Variants in FAR2 observed in about 807,000 individuals in gnomAD.
FAR2 encodes epididymis secretory protein Li 81.
Under a neutral mutation model 56.0 loss-of-function variants are expected in FAR2, and 19 were observed. That is an observed-to-expected ratio of 0.34 (90% CI 0.24 to 0.50). FAR2 has a LOEUF of 0.50. Among genes scored for constraint, FAR2 ranks in the 20% least tolerant of loss-of-function variants. FAR2 has a pLI of 0.98. For missense variants in FAR2, 508 were observed against 642.2 expected (o/e 0.79, Z 2.26); for synonymous variants, 219 against 218.8 (o/e 1.00, Z -0.01).
intron 3 of FAR2, among the ~76,000 whole-genome samples, chr12:29,294,019 AAC>A (rs1466837488): frequency 6.6e-6 from 1 of 152,188 alleles, no homozygotes; most frequent in African/African-American, 2.4e-5. Context: ...CCAGGTTATG[AAC>A]AGTTTGCATT....
intron 8 of FAR2, among the ~76,000 whole-genome samples, chr12:29,313,589 T>C (rs535755213): frequency 6.6e-6 from 1 of 152,128 alleles, no homozygotes; most frequent in South Asian, 2.1e-4. Flanking sequence ...CTGTATTGCT[T>C]CAATAGTTAA....
rs1591832569 is a variant in FAR2, at chr12:29,176,383, T to A, written c.-39+26976T>A. On this transcript the variant is annotated intron_variant, in intron 1 of 11. Coordinates refer to ENST00000536681, the MANE Select transcript of FAR2 (RefSeq NM_001271783.2). ...TCTGGTCATCAGAATTCCAGCTGAG[T>A]TTGAATGAGAACAGTGAAAGCAGGC... is the stretch of plus-strand genomic sequence containing the variant. Among the ~76,000 whole-genome samples, 4 of 152,324 alleles carry A rather than the reference T, an allele frequency of 2.6e-5. No individual in the cohort carries two copies. The South Asian group carries it at 8.3e-4, about 32-fold the overall frequency.
At chr12:29,274,678 C>T (rs1004077410) in intron 2 of FAR2, among the ~76,000 whole-genome samples, 2 of 151,990 alleles carry the variant, frequency 1.3e-5, no homozygotes. Context: ...TGGCCTGTTC[C>T]TGCCTTAACT....
At chr12:29,149,625 C>A (rs1246936451) in intron 1 of FAR2, among the ~76,000 whole-genome samples, 4 of 152,232 alleles carry the variant, frequency 2.6e-5, no homozygotes, top group Non-Finnish European at 5.9e-5. Context: ...GCACCCCAAT[C>A]GTCACCGGCC....
intron 10 of FAR2, chr12:29,332,051 GATCACTCCTTTTTTCTTTCACTACCA>G (rs1949738815): frequency 6.4e-6 from 1 of 155,930 alleles, no homozygotes; most frequent in African/African-American, 2.4e-5. Flanking sequence ...CCCATGTTGT[GATCACTCCTTTTTTCTTTCACTACCA>G]ATCACTCTCT....
chr12:29,264,360 G>T (rs889256475), intron 1 of FAR2, among the ~76,000 whole-genome samples: 1 of 152,100 alleles, frequency 6.6e-6, no homozygotes, highest in Admixed American at 6.6e-5. Context: ...CCCACAGCTA[G>T]TATCATACTG....
chr12:29,181,980 T>C (rs2136598084), intron 1 of FAR2, among the ~76,000 whole-genome samples: 1 of 152,282 alleles, frequency 6.6e-6, no homozygotes, highest in East Asian at 1.9e-4. Context: ...AGATAGTTCA[T>C]TGAACAATAC....
chr12:29,171,067 G>A (rs2136586971), intron 1 of FAR2, among the ~76,000 whole-genome samples: 1 of 152,376 alleles, frequency 6.6e-6, no homozygotes, highest in Non-Finnish European at 1.5e-5. Context: ...TGAGGAGGTG[G>A]AAGAAATACC....
chr12:29,185,790 G>A (rs1470914420), intron 1 of FAR2, among the ~76,000 whole-genome samples: 1 of 152,124 alleles, frequency 6.6e-6, no homozygotes, highest in East Asian at 1.9e-4. Flanking sequence ...GCATGAGTGG[G>A]TGGGACCTAG....
intron 8 of FAR2, among the ~76,000 whole-genome samples, chr12:29,313,705 C>G (rs569090184): frequency 6.6e-6 from 1 of 152,172 alleles, no homozygotes; most frequent in South Asian, 2.1e-4. Context: ...AAATTTTTCA[C>G]ATTACATCAA....
intron 4 of FAR2, 37 bp from the exon 5 acceptor site, chr12:29,307,621 C>T (rs1949272922): frequency 1.3e-6 from 2 of 1,553,754 alleles, no homozygotes; most frequent in South Asian, 1.2e-5. Context: ...TATTGTCTAA[C>T]ATATGTTACT....
At chr12:29,177,140 G>T (rs1342235986) in intron 1 of FAR2, among the ~76,000 whole-genome samples, 1 of 152,192 alleles carries the variant, frequency 6.6e-6, no homozygotes, top group African/African-American at 2.4e-5. Context: ...GGAAGTTTAT[G>T]AATGATGCAA....
At chr12:29,213,460 C>G (rs892497019) in intron 1 of FAR2, among the ~76,000 whole-genome samples, 1 of 152,032 alleles carries the variant, frequency 6.6e-6, no homozygotes, top group Admixed American at 6.6e-5. Flanking sequence ...GAGGCCAAGG[C>G]GGGTAGATCA....
chr12:29,182,536 T>C (rs910834382), intron 1 of FAR2, among the ~76,000 whole-genome samples: 1 of 152,238 alleles, frequency 6.6e-6, no homozygotes, highest in Non-Finnish European at 1.5e-5. Flanking sequence ...TACAGAGTGC[T>C]GATTGGTGCT....
At chr12:29,288,760 C>G (rs1948913626) in intron 2 of FAR2, among the ~76,000 whole-genome samples, 1 of 152,164 alleles carries the variant, frequency 6.6e-6, no homozygotes, top group Non-Finnish European at 1.5e-5. Flanking sequence ...GTCATACAAA[C>G]TTCAGGAATC....
At chr12:29,221,028 T>C (rs761392603) in intron 1 of FAR2, among the ~76,000 whole-genome samples, 6 of 152,048 alleles carry the variant, frequency 3.9e-5, no homozygotes, top group Non-Finnish European at 7.4e-5. Context: ...CGCAGTGTGT[T>C]TACTGGAGTT....
chr12:29,202,324 G>A (rs1032243840), intron 1 of FAR2, among the ~76,000 whole-genome samples: 1 of 152,126 alleles, frequency 6.6e-6, no homozygotes, highest in Non-Finnish European at 1.5e-5. Context: ...TATAGTACAT[G>A]ATCATTGGGG....
At chr12:29,251,442 A>C (rs367710371) in intron 1 of FAR2, among the ~76,000 whole-genome samples, 1 of 152,180 alleles carries the variant, frequency 6.6e-6, no homozygotes, top group South Asian at 2.1e-4. Flanking sequence ...CTGAACTGAC[A>C]CTAATTCTAG....
At chr12:29,267,282 C>T (rs891322520) in intron 1 of FAR2, among the ~76,000 whole-genome samples, 1 of 152,076 alleles carries the variant, frequency 6.6e-6, no homozygotes, top group African/African-American at 2.4e-5. Flanking sequence ...AATGTAAAAC[C>T]AGTGACTATG....
Sources: gnomAD v4.1 joint callset for allele counts (sites outside exome capture counted in the v4.1 genomes callset) on GRCh38, gnomAD v4.1.1 for gene constraint, MANE v1.5 for transcripts, NCBI Gene and HGNC (gene_info 2026-07-23, HGNC 2026-07-21) for gene names.